The following HYCC1 variants were observed in gnomAD, a reference collection of about 807,000 sequenced individuals.
HYCC1 encodes the protein hyccin.
At chr7:22,938,459 A>T in the HYCC1 span, 2 of 152,238 alleles carry the variant, frequency 1.3e-5, no homozygotes, top group Non-Finnish European at 1.5e-5. Flanking sequence ...TCAAGGTGGC[A>T]CTTTCTCTTA....
the HYCC1 span, among the ~76,000 whole-genome samples, chr7:22,951,943 CT>C: frequency 6.6e-6 from 1 of 151,976 alleles, no homozygotes; most frequent in East Asian, 1.9e-4. Context: ...TAAATATCCC[CT>C]AATCTAGTTT....
the HYCC1 span, among the ~76,000 whole-genome samples, chr7:22,916,156 A>G: frequency 2.0e-5 from 3 of 152,280 alleles, no homozygotes; most frequent in South Asian, 4.1e-4. Context: ...CTGTTACAGC[A>G]TGGCCTTTTA....
At chr7:22,916,144 G>A in the HYCC1 span, among the ~76,000 whole-genome samples, 4 of 151,952 alleles carry the variant, frequency 2.6e-5, no homozygotes, top group Admixed American at 6.6e-5. Context: ...GTTATCGCTC[G>A]CCTGTTACAG....
At chr7:22,958,737 C>A in the HYCC1 span, among the ~76,000 whole-genome samples, 4 of 152,198 alleles carry the variant, frequency 2.6e-5, no homozygotes, top group East Asian at 1.9e-4. Context: ...CACACATACT[C>A]TCTCTCATAT....
chr7:22,914,661 C>T, the HYCC1 span, among the ~76,000 whole-genome samples: 10 of 152,258 alleles, frequency 6.6e-5, no homozygotes, highest in African/African-American at 2.4e-4. Context: ...GTCTCTGCTC[C>T]CAATGCAACT....
the HYCC1 span, among the ~76,000 whole-genome samples, chr7:22,920,065 T>C: frequency 6.6e-6 from 1 of 152,160 alleles, no homozygotes; most frequent in African/African-American, 2.4e-5. Context: ...CAGTGGTTCA[T>C]GCCTGTAATC....
the HYCC1 span, among the ~76,000 whole-genome samples, chr7:22,929,668 G>A: frequency 6.6e-6 from 1 of 152,318 alleles, no homozygotes; most frequent in Admixed American, 6.5e-5. Flanking sequence ...AGTTAGAATG[G>A]TGATCATTAA....
the HYCC1 span, chr7:22,960,465 T>C: frequency 3.5e-6 from 5 of 1,423,730 alleles, no homozygotes; most frequent in Admixed American, 8.4e-5. Flanking sequence ...ATAGAGCAGA[T>C]ATATTATCTA....
chr7:22,952,091 G>A, the HYCC1 span, among the ~76,000 whole-genome samples: 1 of 151,916 alleles, frequency 6.6e-6, no homozygotes, highest in African/African-American at 2.4e-5. Context: ...CCTATAATAT[G>A]TCAGACATTG....
the HYCC1 span, among the ~76,000 whole-genome samples, chr7:22,963,779 C>G: frequency 3.3e-5 from 5 of 152,142 alleles, no homozygotes; most frequent in Middle Eastern, 3.2e-3. Flanking sequence ...GCCCACAGAC[C>G]ATAAATTCTG....
chr7:22,978,125 G>T, the HYCC1 span: 1 of 743,900 alleles, frequency 1.3e-6, no homozygotes, highest in Admixed American at 2.3e-5. Flanking sequence ...CCAATCCCCA[G>T]AAAGTTATAT....
At chr7:22,972,564 A>C in the HYCC1 span, among the ~76,000 whole-genome samples, 1 of 152,252 alleles carries the variant, frequency 6.6e-6, no homozygotes, top group Non-Finnish European at 1.5e-5. Flanking sequence ...TAAATGTCCA[A>C]CAGAAAGAAA....
chr7:22,994,252 C>T, the HYCC1 span, among the ~76,000 whole-genome samples: 1 of 152,098 alleles, frequency 6.6e-6, no homozygotes, highest in Admixed American at 6.5e-5. Flanking sequence ...TTCTATACAA[C>T]AAAATATAAC....
At chr7:22,915,198 C>T in the HYCC1 span, among the ~76,000 whole-genome samples, 11 of 152,126 alleles carry the variant, frequency 7.2e-5, no homozygotes, top group African/African-American at 1.9e-4. Context: ...AATCAGATTC[C>T]GGCCCTCAAA....
the HYCC1 span, among the ~76,000 whole-genome samples, chr7:22,898,879 G>A: frequency 0.016 from 2,415 of 152,258 alleles, 67 homozygotes; most frequent in African/African-American, 0.055. Context: ...GGGATTATGG[G>A]CATGAACCAC....
chr7:22,996,904 G>A, the HYCC1 span, among the ~76,000 whole-genome samples: 1 of 151,994 alleles, frequency 6.6e-6, no homozygotes, highest in Non-Finnish European at 1.5e-5. Context: ...AAATATACTT[G>A]CATTTGTAAA....
the HYCC1 span, among the ~76,000 whole-genome samples, chr7:22,915,115 G>T: frequency 2.0e-5 from 3 of 152,114 alleles, no homozygotes; most frequent in East Asian, 1.9e-4. Context: ...ACCCAGAGGG[G>T]CCAGAAGGCC....
At chr7:22,952,103 T>C in the HYCC1 span, among the ~76,000 whole-genome samples, 2 of 152,016 alleles carry the variant, frequency 1.3e-5, no homozygotes, top group Non-Finnish European at 2.9e-5. Flanking sequence ...CAGACATTGA[T>C]TTAGATGCTG....
chr7:22,946,831 A>T, the HYCC1 span: 1 of 782,348 alleles, frequency 1.3e-6, no homozygotes, highest in Non-Finnish European at 2.0e-6. Context: ...TCCAAAGAAC[A>T]TTAAGAGTCA....
Sources: allele counts gnomAD v4.1 joint callset (sites outside exome capture counted in the v4.1 genomes callset), GRCh38; gene constraint gnomAD v4.1.1; transcripts MANE v1.5; gene names NCBI Gene and HGNC (gene_info 2026-07-23, HGNC 2026-07-21).